The following KLF8 variants were observed in gnomAD, a reference collection of about 807,000 sequenced individuals.
KLF8 encodes the protein Krueppel-like factor 8.
Under a neutral mutation model 18.2 loss-of-function variants are expected in KLF8, and 10 were observed. The ratio of observed to expected loss-of-function variants is 0.55; its 90% CI spans 0.34 to 0.93. The LOEUF (loss-of-function observed/expected upper bound fraction) is 0.93, where lower values mean the gene tolerates loss of function less well. KLF8 is among the 40% of genes least tolerant of loss of function. The pLI is 0.02. For missense variants in KLF8, 264 were observed against 277.9 expected, an observed-to-expected ratio of 0.95 and a Z score of 0.36; for synonymous variants, 109 against 97.3, an observed-to-expected ratio of 1.12 and a Z score of -0.71.
At chrX:56,108,814 A>T in the KLF8 span, among the ~76,000 whole-genome samples, 1 of 111,841 alleles carries the variant, frequency 8.9e-6, no homozygotes, top group South Asian at 3.7e-4. Context: ...TTTTAAATTT[A>T]TGCATTTGTT....
At chrX:55,968,121 G>A in the KLF8 span, among the ~76,000 whole-genome samples, 1 of 111,340 alleles carries the variant, frequency 9.0e-6, no homozygotes, top group African/African-American at 3.3e-5. Context: ...TAGACCAAAT[G>A]TGTCTAATGG....
At chrX:55,908,294 G>C in the KLF8 span, 2 of 273,748 alleles carry the variant, frequency 7.3e-6, no homozygotes, top group African/African-American at 5.6e-5. Context: ...GAAAGGTCCG[G>C]GGTATTGTTG....
the KLF8 span, among the ~76,000 whole-genome samples, chrX:56,018,908 T>C: frequency 9.0e-6 from 1 of 111,040 alleles, no homozygotes; most frequent in African/African-American, 3.3e-5. Context: ...GGAATCTGGC[T>C]ATATTTAGAC....
At chrX:56,044,087 G>C in the KLF8 span, among the ~76,000 whole-genome samples, 1 of 111,984 alleles carries the variant, frequency 8.9e-6, no homozygotes, top group Non-Finnish European at 1.9e-5. Context: ...CTTTGAGTCT[G>C]CTTTAGACCC....
the KLF8 span, among the ~76,000 whole-genome samples, chrX:56,036,073 T>A: frequency 8.9e-6 from 1 of 112,010 alleles, no homozygotes; most frequent in Admixed American, 9.5e-5. Flanking sequence ...ACGGGCTTTT[T>A]AAATCTTATA....
the KLF8 span, among the ~76,000 whole-genome samples, chrX:55,991,985 T>G: frequency 8.9e-6 from 1 of 112,498 alleles, no homozygotes; most frequent in Non-Finnish European, 1.9e-5. Context: ...TTGAAGTTCC[T>G]TATAGATTCT....
chrX:56,245,942 C>G (rs985201263), intron 1 of KLF8, among the ~76,000 whole-genome samples: 3 of 111,543 alleles, frequency 2.7e-5, no homozygotes, highest in Non-Finnish European at 5.7e-5. Context: ...TCAATTTTGC[C>G]TGGGTAAATA....
the KLF8 span, among the ~76,000 whole-genome samples, chrX:56,149,561 A>G: frequency 5.4e-5 from 6 of 111,262 alleles, no homozygotes; most frequent in African/African-American, 2.0e-4. Context: ...ACAAACCTGC[A>G]CATATACGCC....
chrX:56,042,704 A>G, the KLF8 span, among the ~76,000 whole-genome samples: 1 of 111,187 alleles, frequency 9.0e-6, no homozygotes. Flanking sequence ...GTTGTCTTCT[A>G]TTCCTTTATT....
chrX:56,109,361 C>T, the KLF8 span, among the ~76,000 whole-genome samples: 1 of 104,397 alleles, frequency 9.6e-6, no homozygotes, highest in Non-Finnish European at 1.9e-5. Flanking sequence ...TGCCACTGCA[C>T]TCTAGTCTGG....
chrX:56,033,585 A>G, the KLF8 span, among the ~76,000 whole-genome samples: 1 of 111,825 alleles, frequency 8.9e-6, no homozygotes, highest in Non-Finnish European at 1.9e-5. Context: ...TTATTGAGGA[A>G]CCACCACACA....
the KLF8 span, among the ~76,000 whole-genome samples, chrX:56,154,694 C>T: frequency 5.4e-5 from 6 of 111,686 alleles, no homozygotes; most frequent in African/African-American, 1.6e-4. Flanking sequence ...AAAAATTTTG[C>T]GATGTTCTCA....
At chrX:56,199,844 A>G in the KLF8 span, among the ~76,000 whole-genome samples, 1 of 111,863 alleles carries the variant, frequency 8.9e-6, no homozygotes, top group East Asian at 2.8e-4. Context: ...GTGTCCATCA[A>G]TGATAGACTG....
At chrX:55,946,787 C>A in the KLF8 span, among the ~76,000 whole-genome samples, 1 of 110,619 alleles carries the variant, frequency 9.0e-6, no homozygotes, top group Admixed American at 9.6e-5. Context: ...AACAAATTTA[C>A]AAGAAAAAAA....
chrX:56,287,188 A>AT lies in KLF8; in HGVS notation c.*2695dup, dbSNP rs769009697. 1 of 112,090 alleles carries AT rather than the reference A, an allele frequency of 8.9e-6. No homozygotes were observed. Among genetic ancestry groups the AT allele is most frequent in the East Asian group, 2.8e-4 (1 of 3,581 alleles). 9.2% of individuals were successfully genotyped at this position (112,090 alleles called of 1,213,427 possible). On this transcript the variant is annotated 3_prime_UTR_variant, in exon 6 of 6. Coordinates refer to ENST00000468660, the MANE Select transcript of KLF8 (RefSeq NM_007250.5). ...TATCTAAAAATGTTTCTGTAACATA[A>AT]TGACAGCCTTTATGTTTGTTAATTG...
chrX:56,211,936 A>G, the KLF8 span, among the ~76,000 whole-genome samples: 2 of 110,805 alleles, frequency 1.8e-5, no homozygotes, highest in African/African-American at 6.6e-5. Context: ...ACCTGAATCT[A>G]GCAAATCTCA....
the KLF8 span, among the ~76,000 whole-genome samples, chrX:56,161,667 G>A: frequency 1.8e-5 from 2 of 111,306 alleles, no homozygotes; most frequent in South Asian, 3.8e-4. Context: ...TTAGCCATTC[G>A]TGTAATTTTT....
the KLF8 span, among the ~76,000 whole-genome samples, chrX:56,094,412 T>C: frequency 9.0e-6 from 1 of 111,074 alleles, no homozygotes; most frequent in Admixed American, 9.6e-5. Flanking sequence ...CAATTAAACA[T>C]AAATATATTA....
the KLF8 span, among the ~76,000 whole-genome samples, chrX:56,202,053 T>C: frequency 1.8e-5 from 2 of 111,302 alleles, no homozygotes; most frequent in East Asian, 5.7e-4. Flanking sequence ...CATTAAGACT[T>C]GACTTGCAAG....
Sources: allele counts gnomAD v4.1 joint callset (sites outside exome capture counted in the v4.1 genomes callset), GRCh38; gene constraint gnomAD v4.1.1; transcripts MANE v1.5; gene names NCBI Gene and HGNC (gene_info 2026-07-23, HGNC 2026-07-21).